Variants in LARGE1 observed in about 807,000 individuals in gnomAD.
LARGE1 encodes the protein LARGE xylosyl- and glucuronyltransferase 1.
In LARGE1, 43 loss-of-function variants were observed where a neutral mutation model predicts 87.6. The observed-to-expected ratio is 0.49, with a 90% CI of 0.38 to 0.63. The LOEUF (loss-of-function observed/expected upper bound fraction) is 0.63. Ranked by LOEUF, LARGE1 falls within the 30% of genes least tolerant of loss-of-function variation. LARGE1 has a pLI of 0.00. For synonymous variants in LARGE1, 434 were observed against 394.6 expected (o/e 1.10, Z -1.18); for missense variants, 802 against 1,000.2 (o/e 0.80, Z 2.67).
At chr22:33,647,736 G>A (rs915872170) in intron 3 of LARGE1, among the ~76,000 whole-genome samples, 2 of 152,094 alleles carry the variant, frequency 1.3e-5, no homozygotes, top group Non-Finnish European at 2.9e-5. Context: ...TGTCACCACT[G>A]AAATAGTAAA....
At chr22:33,490,639 T>C (rs760180123) in intron 6 of LARGE1, among the ~76,000 whole-genome samples, 2 of 152,202 alleles carry the variant, frequency 1.3e-5, no homozygotes, top group South Asian at 2.1e-4. Flanking sequence ...GTGGATGCCA[T>C]AGTACCTGGG....
At chr22:33,335,269 T>C (rs1601494459) in intron 10 of LARGE1, among the ~76,000 whole-genome samples, 1 of 152,252 alleles carries the variant, frequency 6.6e-6, no homozygotes, top group South Asian at 2.1e-4. Flanking sequence ...CTCTAAGTGC[T>C]TCCCAGAATC....
At chr22:33,210,801 C>T (rs1924923232) in intron 11 of LARGE1, among the ~76,000 whole-genome samples, 1 of 152,260 alleles carries the variant, frequency 6.6e-6, no homozygotes, top group South Asian at 2.1e-4. Context: ...TCCCAGGCTG[C>T]CCCTATGCTC....
Position 33,337,793 on chromosome 22 carries a change from GTGA to G in LARGE1, c.1137_1139del (p.His380del), listed in dbSNP as rs1369876052. 6.2e-7 allele frequency: 1 copy of G among 1,614,212 alleles called. No homozygotes were observed. The highest frequency in any genetic ancestry group is 1.1e-5 in the South Asian group (1 of 91,084). On this transcript the variant is annotated inframe_deletion, in exon 10 of 15. Transcript: ENST00000397394. ...CCCGGAGCTTCTTGGGGGAGTTCCA[GTGA>G]ATGACCTGGCAGGGAGATAAGGAAG...
intron 11 of LARGE1, among the ~76,000 whole-genome samples, chr22:33,207,956 A>C (rs1233246218): frequency 2.0e-5 from 3 of 152,162 alleles, no homozygotes; most frequent in African/African-American, 7.2e-5. Context: ...GAGTTTAGGC[A>C]ATCTTTTCAA....
intron 2 of LARGE1, among the ~76,000 whole-genome samples, chr22:33,731,899 TTAGATA>T (rs1277283443): frequency 5.3e-5 from 8 of 152,266 alleles, no homozygotes; most frequent in Admixed American, 5.2e-4. Context: ...CAAGGCAGCT[TTAGATA>T]TAGTCACTGA....
At chr22:33,214,600 G>A (rs1194942974) in intron 11 of LARGE1, among the ~76,000 whole-genome samples, 1 of 151,910 alleles carries the variant, frequency 6.6e-6, no homozygotes, top group Non-Finnish European at 1.5e-5. Context: ...CCTTTACAAA[G>A]CTGTGGCCAG....
At chr22:33,529,852 T>G (rs1012963912) in intron 6 of LARGE1, among the ~76,000 whole-genome samples, 2 of 152,202 alleles carry the variant, frequency 1.3e-5, no homozygotes, top group Non-Finnish European at 2.9e-5. Context: ...GGATTCTCAC[T>G]GCTATTAATA....
chr22:33,734,080 T>C (rs1313415830), intron 2 of LARGE1, among the ~76,000 whole-genome samples: 1 of 152,196 alleles, frequency 6.6e-6, no homozygotes, highest in Non-Finnish European at 1.5e-5. Flanking sequence ...CCTCAGCTTC[T>C]AAATGACATC....
At chr22:33,164,041 C>T (rs933972796) in exon 12 of LARGE1, 2 of 152,164 alleles carry the variant, frequency 1.3e-5, no homozygotes, top group African/African-American at 4.8e-5. Context: ...CTATAGGTCG[C>T]CTTTCTCCCT....
At chr22:33,914,416 C>G (rs2065725963) in intron 1 of LARGE1, among the ~76,000 whole-genome samples, 3 of 152,172 alleles carry the variant, frequency 2.0e-5, no homozygotes, top group Non-Finnish European at 2.9e-5. Context: ...GTCACCTCAG[C>G]TTTTATTTAC....
At chr22:33,916,031 C>T (rs1193248543) in intron 1 of LARGE1, among the ~76,000 whole-genome samples, 1 of 152,108 alleles carries the variant, frequency 6.6e-6, no homozygotes, top group East Asian at 1.9e-4. Flanking sequence ...ACCTGTAATC[C>T]CAGCACTTTG....
At chr22:33,895,279 A>C (rs893186234) in intron 1 of LARGE1, among the ~76,000 whole-genome samples, 4 of 152,220 alleles carry the variant, frequency 2.6e-5, no homozygotes, top group African/African-American at 9.6e-5. Flanking sequence ...CAAGAGGAGG[A>C]GATGGAGACC....
intron 6 of LARGE1, among the ~76,000 whole-genome samples, chr22:33,512,788 A>G (rs1396689241): frequency 6.6e-6 from 1 of 152,176 alleles, no homozygotes; most frequent in Non-Finnish European, 1.5e-5. Flanking sequence ...AGGTGACAAC[A>G]GTGAAACTCC....
At chr22:33,742,635 A>G (rs2083927861) in intron 2 of LARGE1, among the ~76,000 whole-genome samples, 1 of 152,200 alleles carries the variant, frequency 6.6e-6, no homozygotes, top group African/African-American at 2.4e-5. Flanking sequence ...CTACCCTACC[A>G]CATGGCGAGA....
chr22:33,469,608 T>C (rs111619563), intron 6 of LARGE1, among the ~76,000 whole-genome samples: 2 of 152,016 alleles, frequency 1.3e-5, no homozygotes, highest in African/African-American at 4.8e-5. Context: ...GTGGATCACT[T>C]GAGGTCAGGA....
At chr22:33,423,752 T>C (rs1337831395) in intron 7 of LARGE1, among the ~76,000 whole-genome samples, 1 of 151,922 alleles carries the variant, frequency 6.6e-6, no homozygotes, top group Non-Finnish European at 1.5e-5. Context: ...ATTCCAGGAT[T>C]ATAAAAGAGG....
chr22:33,082,908 C>T, the LARGE1 span, among the ~76,000 whole-genome samples: 1 of 151,992 alleles, frequency 6.6e-6, no homozygotes, highest in African/African-American at 2.4e-5. Context: ...ACCTGTAGTC[C>T]CAGCTACTTG....
At chr22:33,530,626 T>G (rs573877204) in intron 6 of LARGE1, among the ~76,000 whole-genome samples, 1 of 152,298 alleles carries the variant, frequency 6.6e-6, no homozygotes, top group East Asian at 1.9e-4. Flanking sequence ...ACCTAGGCAT[T>G]TAGAAGCTAG....
Sources: allele counts gnomAD v4.1 joint callset (sites outside exome capture counted in the v4.1 genomes callset), GRCh38; gene constraint gnomAD v4.1.1; transcripts MANE v1.5; gene names NCBI Gene and HGNC (gene_info 2026-07-23, HGNC 2026-07-21).